GALNTL6: variants seen among roughly 807,000 people sequenced by gnomAD.
GALNTL6 encodes the protein polypeptide N-acetylgalactosaminyltransferase like 6.
GALNTL6 carries 46 observed loss-of-function variants against 73.7 expected under a neutral mutation model. That is an observed-to-expected ratio of 0.62 (90% CI 0.49 to 0.80). GALNTL6 has a LOEUF of 0.80. Among genes scored for constraint, GALNTL6 ranks in the 30% least tolerant of loss-of-function variants. The pLI is 0.00. For synonymous variants in GALNTL6, 259 were observed against 263.7 expected, an observed-to-expected ratio of 0.98 and a Z score of 0.17; for missense variants, 604 against 755.0, an observed-to-expected ratio of 0.80 and a Z score of 2.34.
At chr4:172,570,370 C>G (rs1286335433) in intron 5 of GALNTL6, among the ~76,000 whole-genome samples, 1 of 152,102 alleles carries the variant, frequency 6.6e-6, no homozygotes, top group Non-Finnish European at 1.5e-5. Flanking sequence ...ATTTGATTCC[C>G]TAATACAAGT....
chr4:172,374,188 G>C (rs1474394038), intron 5 of GALNTL6, among the ~76,000 whole-genome samples: 1 of 152,200 alleles, frequency 6.6e-6, no homozygotes, highest in African/African-American at 2.4e-5. Context: ...AAGCCCTACT[G>C]GGTGATTAGC....
chr4:172,301,165 C>A (rs1332254686), intron 3 of GALNTL6, among the ~76,000 whole-genome samples: 1 of 152,202 alleles, frequency 6.6e-6, no homozygotes, highest in Non-Finnish European at 1.5e-5. Flanking sequence ...GAATTGGCTA[C>A]TGAGGCTTGT....
chr4:172,603,970 A>G (rs140650563), intron 5 of GALNTL6, among the ~76,000 whole-genome samples: 20 of 152,338 alleles, frequency 1.3e-4, no homozygotes, highest in African/African-American at 4.8e-4. Flanking sequence ...AATCTTGTAA[A>G]TATATGCCAT....
chr4:171,882,850 A>G (rs1222739217), intron 2 of GALNTL6, among the ~76,000 whole-genome samples: 3 of 152,146 alleles, frequency 2.0e-5, no homozygotes, highest in Admixed American at 6.5e-5. Context: ...AACCATCACA[A>G]CTATGTTTCG....
chr4:172,651,318 C>G (rs1579290124), intron 5 of GALNTL6, among the ~76,000 whole-genome samples: 1 of 152,334 alleles, frequency 6.6e-6, no homozygotes, highest in Non-Finnish European at 1.5e-5. Context: ...AGGAATTACT[C>G]AGGTCACACT....
At chr4:172,490,649 A>G (rs552552432) in intron 5 of GALNTL6, among the ~76,000 whole-genome samples, 18 of 152,294 alleles carry the variant, frequency 1.2e-4, no homozygotes, top group African/African-American at 3.1e-4. Flanking sequence ...TAACAATACA[A>G]TGAAATATTC....
chr4:171,830,581 G>A (rs1359607747), intron 2 of GALNTL6, among the ~76,000 whole-genome samples: 1 of 152,054 alleles, frequency 6.6e-6, no homozygotes, highest in Non-Finnish European at 1.5e-5. Context: ...ATATAAGCAA[G>A]TAAACAGTTG....
intron 7 of GALNTL6, among the ~76,000 whole-genome samples, chr4:172,824,997 C>T (rs2111034796): frequency 6.6e-6 from 1 of 151,054 alleles, no homozygotes. Flanking sequence ...TCACTCCCGC[C>T]TTCAACAAAA....
At chr4:171,826,552 T>A (rs2110814994) in intron 2 of GALNTL6, among the ~76,000 whole-genome samples, 1 of 152,244 alleles carries the variant, frequency 6.6e-6, no homozygotes, top group East Asian at 1.9e-4. Context: ...TTCCTGACTT[T>A]CCGTTTCTAC....
At chr4:172,385,904 T>C (rs1056692156) in intron 5 of GALNTL6, among the ~76,000 whole-genome samples, 3 of 151,198 alleles carry the variant, frequency 2.0e-5, no homozygotes, top group Non-Finnish European at 4.4e-5. Flanking sequence ...ATTTATTGTT[T>C]ATACACACAC....
chr4:172,381,775 T>C (rs1743292210), intron 5 of GALNTL6, among the ~76,000 whole-genome samples: 1 of 152,214 alleles, frequency 6.6e-6, no homozygotes, highest in Non-Finnish European at 1.5e-5. Flanking sequence ...GATATGTTTA[T>C]TCCACTTGAG....
chr4:172,624,300 C>G (rs576655566), intron 5 of GALNTL6, among the ~76,000 whole-genome samples: 3 of 151,674 alleles, frequency 2.0e-5, no homozygotes, highest in Non-Finnish European at 4.4e-5. Context: ...TGTTTTAAAG[C>G]TGCTTTATTT....
intron 5 of GALNTL6, among the ~76,000 whole-genome samples, chr4:172,395,977 G>A (rs925647720): frequency 6.6e-6 from 1 of 152,100 alleles, no homozygotes; most frequent in African/African-American, 2.4e-5. Context: ...CTAAATCAAC[G>A]TGTACAGAAG....
chr4:172,874,076 T>C (rs1255139176), intron 7 of GALNTL6, among the ~76,000 whole-genome samples: 1 of 152,232 alleles, frequency 6.6e-6, no homozygotes, highest in East Asian at 1.9e-4. Flanking sequence ...ATGCTTGGAT[T>C]TTAATAACAA....
chr4:172,552,746 T>A (rs890156537), intron 5 of GALNTL6, among the ~76,000 whole-genome samples: 7 of 146,690 alleles, frequency 4.8e-5, no homozygotes, highest in African/African-American at 1.0e-4. Context: ...TTTTTTTTTT[T>A]AATTCTATAT....
At chr4:171,889,716 T>C (rs1736708247) in intron 2 of GALNTL6, among the ~76,000 whole-genome samples, 1 of 152,058 alleles carries the variant, frequency 6.6e-6, no homozygotes, top group African/African-American at 2.4e-5. Flanking sequence ...TGACAAACTT[T>C]CTTGTAACAT....
chr4:172,962,301 A>C (rs1750097344), intron 10 of GALNTL6, among the ~76,000 whole-genome samples: 1 of 152,244 alleles, frequency 6.6e-6, no homozygotes, highest in African/African-American at 2.4e-5. Context: ...GCTTTGGCTC[A>C]GAGGCCTGAC....
chr4:171,988,667 T>C (rs536114202), intron 2 of GALNTL6, among the ~76,000 whole-genome samples: 3 of 152,086 alleles, frequency 2.0e-5, no homozygotes, highest in South Asian at 2.1e-4. Context: ...TTAGGACAGG[T>C]AAAATGGGGG....
chr4:172,526,396 A>T (rs2110832232), intron 5 of GALNTL6, among the ~76,000 whole-genome samples: 1 of 152,242 alleles, frequency 6.6e-6, no homozygotes, highest in Non-Finnish European at 1.5e-5. Context: ...CAAAATTGAG[A>T]CTCAGGTAAA....
Sources: allele counts gnomAD v4.1 joint callset (sites outside exome capture counted in the v4.1 genomes callset), GRCh38; gene constraint gnomAD v4.1.1; transcripts MANE v1.5; gene names NCBI Gene and HGNC (gene_info 2026-07-23, HGNC 2026-07-21).